The following ANKFN1 variants were observed in gnomAD, a reference collection of about 807,000 sequenced individuals.
ANKFN1 encodes ankyrin repeat and fibronectin type III domain containing 1, also known as ankyrin repeat and fibronectin type-III domain-containing protein 1.
Under a neutral mutation model 108.7 loss-of-function variants are expected in ANKFN1, and 74 were observed. That is an observed-to-expected ratio of 0.68 (90% CI 0.56 to 0.83). The LOEUF is 0.83. ANKFN1 is among the 40% of genes least tolerant of loss of function. The pLI, the probability that ANKFN1 is intolerant of heterozygous loss-of-function variation, is 0.00. For missense variants in ANKFN1, 1,505 were observed against 1,382.3 expected (o/e 1.09, Z -1.41); for synonymous variants, 547 against 516.2 (o/e 1.06, Z -0.81).
intron 4 of ANKFN1, among the ~76,000 whole-genome samples, chr17:56,336,447 G>C (rs2045812790): frequency 6.6e-6 from 1 of 152,172 alleles, no homozygotes; most frequent in East Asian, 1.9e-4. Context: ...TTAGTCTTGG[G>C]AGGGTGTATG....
At chr17:56,504,920 G>A (rs537866032) in intron 20 of ANKFN1, among the ~76,000 whole-genome samples, 13 of 144,818 alleles carry the variant, frequency 9.0e-5, no homozygotes, top group East Asian at 2.1e-4. Flanking sequence ...TGATCCACCC[G>A]CCTCGGCCTC....
At chr17:56,065,554 C>T (rs953110410) in intron 4 of ANKFN1, among the ~76,000 whole-genome samples, 9 of 152,142 alleles carry the variant, frequency 5.9e-5, no homozygotes, top group African/African-American at 2.2e-4. Context: ...AGAAAATTGC[C>T]ATTCTTCCTT....
intron 8 of ANKFN1, among the ~76,000 whole-genome samples, chr17:56,425,755 C>T (rs2048543696): frequency 6.6e-6 from 1 of 152,206 alleles, no homozygotes. Flanking sequence ...TAACCACTCC[C>T]TGCCAGACTG....
intron 15 of ANKFN1, among the ~76,000 whole-genome samples, chr17:56,467,055 G>A (rs1412099182): frequency 6.6e-6 from 1 of 152,144 alleles, no homozygotes; most frequent in African/African-American, 2.4e-5. Flanking sequence ...GAGGCGGGTT[G>A]CAGTGAGCCA....
At chr17:56,202,916 A>C (rs896207182) in intron 1 of ANKFN1, among the ~76,000 whole-genome samples, 2 of 152,246 alleles carry the variant, frequency 1.3e-5, no homozygotes, top group African/African-American at 4.8e-5. Context: ...GCATACACAC[A>C]TAAAATACTA....
At chr17:56,216,399 T>A (rs550682554) in intron 2 of ANKFN1, among the ~76,000 whole-genome samples, 1 of 152,308 alleles carries the variant, frequency 6.6e-6, no homozygotes, top group East Asian at 1.9e-4. Flanking sequence ...AACTTGGAGT[T>A]AGAGATTTGA....
At chr17:56,115,543 C>T (rs1247825232) in intron 4 of ANKFN1, among the ~76,000 whole-genome samples, 1 of 151,992 alleles carries the variant, frequency 6.6e-6, no homozygotes, top group East Asian at 1.9e-4. Context: ...ATGCAGAAAA[C>T]AAACAAAACA....
intron 4 of ANKFN1, among the ~76,000 whole-genome samples, chr17:56,132,601 GGCT>G (rs1229054043): frequency 6.6e-6 from 1 of 152,110 alleles, no homozygotes; most frequent in Non-Finnish European, 1.5e-5. Context: ...AGTCGGTCCA[GGCT>G]GCCATAACAA....
At chr17:56,408,869 A>G (rs916452410) in intron 8 of ANKFN1, among the ~76,000 whole-genome samples, 4 of 152,150 alleles carry the variant, frequency 2.6e-5, no homozygotes, top group African/African-American at 9.7e-5. Flanking sequence ...CAATAGAGTT[A>G]GAAGGCAGTC....
intron 8 of ANKFN1, 71 bp downstream of exon 8, chr17:56,374,785 C>A: frequency 8.1e-7 from 1 of 1,240,658 alleles, no homozygotes; most frequent in Non-Finnish European, 1.2e-6. Context: ...ATCAATAGTG[C>A]ATTTTGTGTG....
At chr17:56,397,538 C>T (rs753440737) in intron 8 of ANKFN1, among the ~76,000 whole-genome samples, 7 of 152,118 alleles carry the variant, frequency 4.6e-5, no homozygotes, top group South Asian at 4.1e-4. Context: ...CTGATGAACC[C>T]GTCAAGAAAA....
chr17:56,453,670 C>T (rs771502904), intron 11 of ANKFN1, among the ~76,000 whole-genome samples: 35 of 152,138 alleles, frequency 2.3e-4, no homozygotes, highest in Non-Finnish European at 3.4e-4. Context: ...AGCTTTCCCC[C>T]TCACAGCATC....
chr17:56,055,566 C>CACATATATATATATATATATATAT (rs1555588767), intron 4 of ANKFN1, among the ~76,000 whole-genome samples: 2 of 47,460 alleles, frequency 4.2e-5, no homozygotes, highest in African/African-American at 2.6e-4. Flanking sequence ...GGTATATATA[C>CACATATATATATATATATATATAT]ATATATATAT....
intron 4 of ANKFN1, among the ~76,000 whole-genome samples, chr17:56,061,657 C>T (rs927017487): frequency 6.6e-6 from 1 of 152,068 alleles, no homozygotes; most frequent in Non-Finnish European, 1.5e-5. Flanking sequence ...CTCTTTTCTT[C>T]TTTATTAGTC....
chr17:56,286,316 G>C (rs2044215737), intron 3 of ANKFN1, among the ~76,000 whole-genome samples: 1 of 152,084 alleles, frequency 6.6e-6, no homozygotes, highest in Non-Finnish European at 1.5e-5. Flanking sequence ...TCTGAACTTA[G>C]TGATTTAAAA....
At chr17:56,439,402 T>A (rs2049029261) in intron 8 of ANKFN1, among the ~76,000 whole-genome samples, 1 of 152,188 alleles carries the variant, frequency 6.6e-6, no homozygotes, top group African/African-American at 2.4e-5. Context: ...CTTAAGATAC[T>A]TTTTACTGAT....
chr17:56,458,816 T>C (rs1338395414), intron 14 of ANKFN1, among the ~76,000 whole-genome samples: 1 of 152,150 alleles, frequency 6.6e-6, no homozygotes, highest in African/African-American at 2.4e-5. Flanking sequence ...CAGGAATCTA[T>C]GTAAGCTGTG....
chr17:56,218,806 AAAGACTGCC>A (rs1915629324), intron 2 of ANKFN1, among the ~76,000 whole-genome samples: 1 of 152,232 alleles, frequency 6.6e-6, no homozygotes, highest in Non-Finnish European at 1.5e-5. Flanking sequence ...AGTTCTGAAA[AAAGACTGCC>A]ATAAAAAGAT....
rs758374127 is a variant in ANKFN1 at position 56,457,922 on chromosome 17, C to T, written c.1500C>T (p.Ser500=). Residue 500 remains serine, a synonymous_variant, in exon 14 of 21, where the codon TCC becomes TCT. Transcript: ENST00000682825. ...GGCAAAGCATACCAATATCCTCATC[C>T]TCATCCACAGTGCTGCAAACTCGGC... ...WLRQSIPISS[S]SSTVLQTRQK... 2 of 1,614,096 alleles carry T rather than the reference C, an allele frequency of 1.2e-6. No individual in the cohort carries two copies. Among genetic ancestry groups the T allele is most frequent in the South Asian group, 1.1e-5 (1 of 91,070 alleles).
Sources: gnomAD v4.1 joint callset for allele counts (sites outside exome capture counted in the v4.1 genomes callset) on GRCh38, gnomAD v4.1.1 for gene constraint, MANE v1.5 for transcripts, NCBI Gene and HGNC (gene_info 2026-07-23, HGNC 2026-07-21) for gene names.